Variants in SEPSECS observed in about 807,000 individuals in gnomAD.
SEPSECS encodes Sep (O-phosphoserine) tRNA:Sec (selenocysteine) tRNA synthase, also known as O-phosphoseryl-tRNA(Sec) selenium transferase.
A neutral mutation model predicts 52.1 loss-of-function variants in SEPSECS; 42 were observed. The observed-to-expected ratio is 0.81, with a 90% confidence interval of 0.63 to 1.04. The LOEUF is 1.04. Ranked by LOEUF, SEPSECS falls within the 50% of genes least tolerant of loss-of-function variation. The pLI is 0.00. For missense variants in SEPSECS, 590 were observed against 610.6 expected, an observed-to-expected ratio of 0.97 and a Z score of 0.36; for synonymous variants, 216 against 211.4, an observed-to-expected ratio of 1.02 and a Z score of -0.19.
At chr4:25,152,118 T>C (rs543726668) in intron 5 of SEPSECS, 56 bp from the exon 6 acceptor site, 123 of 1,093,712 alleles carry the variant, frequency 1.1e-4, no homozygotes, top group Non-Finnish European at 1.5e-4. Context: ...TTATAAATGA[T>C]AGTGCAGAAA....
At chr4:25,128,540 T>C (rs1263551663) in intron 8 of SEPSECS, among the ~76,000 whole-genome samples, 1 of 152,108 alleles carries the variant, frequency 6.6e-6, no homozygotes, top group African/African-American at 2.4e-5. Context: ...GAAAATATAA[T>C]AAAAATGTAT....
At chr4:25,132,948 G>A (rs1445214733) in intron 8 of SEPSECS, among the ~76,000 whole-genome samples, 1 of 152,130 alleles carries the variant, frequency 6.6e-6, no homozygotes. Flanking sequence ...TGGTACTTGG[G>A]CGAGTACTTA....
At chr4:25,149,561 A>G (rs1465783092) in intron 6 of SEPSECS, among the ~76,000 whole-genome samples, 3 of 152,204 alleles carry the variant, frequency 2.0e-5, no homozygotes, top group Admixed American at 2.0e-4. Flanking sequence ...AAAAGTAAAT[A>G]CATAAATTGT....
chr4:25,139,295 G>A (rs1279423142), intron 8 of SEPSECS, among the ~76,000 whole-genome samples: 1 of 151,908 alleles, frequency 6.6e-6, no homozygotes, highest in African/African-American at 2.4e-5. Context: ...AAATGAATGA[G>A]CAGGGGCCAA....
At chr4:25,127,434 T>C in intron 8 of SEPSECS, 77 bp from the exon 9 acceptor site, 1 of 1,039,476 alleles carries the variant, frequency 9.6e-7, no homozygotes, top group Non-Finnish European at 1.5e-6. Context: ...ATCTGATTGG[T>C]ATGAAGTCTA....
At position 25,135,587 on chromosome 4, in the gene SEPSECS, A is replaced by T. The variant is rs2109012531; in HGVS notation, c.1027-8230T>A. 1.3e-5 allele frequency among the ~76,000 whole-genome samples: 2 copies of T among 152,302 alleles called. 1 individual carries two copies. The highest frequency in any genetic ancestry group is 1.3e-4 in the Admixed American group (2 of 15,302). On this transcript the variant is annotated intron_variant, in intron 8 of 10. Transcript: ENST00000382103. ...CAGTAATTAATAGCCTACCAACCAAAAAAAGCCCAGGACCAGACAGATTTA... is the reference window on the plus strand; with the variant it reads ...CAGTAATTAATAGCCTACCAACCAATAAAAGCCCAGGACCAGACAGATTTA...
chr4:25,151,817 C>A, intron 6 of SEPSECS, 143 bp downstream of exon 6: 1 of 641,018 alleles, frequency 1.6e-6, no homozygotes, highest in Non-Finnish European at 2.9e-6. Context: ...GAGAGATTAT[C>A]AGATGTAAGT....
At chr4:25,136,075 T>C (rs1404471421) in intron 8 of SEPSECS, among the ~76,000 whole-genome samples, 2 of 152,208 alleles carry the variant, frequency 1.3e-5, no homozygotes, top group African/African-American at 4.8e-5. Context: ...TAGCCATTTA[T>C]GACAAACCCA....
chr4:25,159,805 A>T (rs1712945429), intron 1 of SEPSECS: 26 of 1,095,188 alleles, frequency 2.4e-5, no homozygotes, highest in Non-Finnish European at 2.9e-5. Flanking sequence ...TTTTAATGAA[A>T]TTAAAATACA....
chr4:25,152,190 G>A (rs1441538410), intron 5 of SEPSECS, 128 bp from the exon 6 acceptor site: 2 of 634,538 alleles, frequency 3.2e-6, no homozygotes, highest in African/African-American at 3.7e-5. Context: ...GACAAACACT[G>A]AAATTTCTAT....
chr4:25,158,824 C>A, intron 2 of SEPSECS, 129 bp downstream of exon 2: 2 of 888,004 alleles, frequency 2.3e-6, no homozygotes. Flanking sequence ...GCTTACATAT[C>A]CATTAGAGCA....
Position 25,160,418 on chromosome 4 carries a change from G to A in SEPSECS, c.-49C>T, listed in dbSNP as rs546938016. 2 of 1,448,642 alleles carry A rather than the reference G, an allele frequency of 1.4e-6. No homozygotes were observed. Among genetic ancestry groups the A allele is most frequent in the African/African-American group, 1.4e-5 (1 of 70,846 alleles). 89.7% of individuals were successfully genotyped at this position (1,448,642 alleles called of 1,614,324 possible). The stretch of plus-strand genomic sequence containing the variant: ...ATAAGCGGGAGCACTAGCTCCACAC[G>A]CCAGACACACGACGGAACCAGAATG... On this transcript the variant is annotated 5_prime_UTR_variant, in exon 1 of 11. Coordinates refer to ENST00000382103, the MANE Select transcript of SEPSECS (RefSeq NM_016955.4).
intron 8 of SEPSECS, among the ~76,000 whole-genome samples, chr4:25,142,619 C>T (rs1286340064): frequency 2.0e-5 from 3 of 152,110 alleles, no homozygotes; most frequent in African/African-American, 4.8e-5. Flanking sequence ...TTTGCATTTC[C>T]GTACTTTAGA....
intron 6 of SEPSECS, among the ~76,000 whole-genome samples, chr4:25,145,745 A>G (rs570992617): frequency 6.6e-6 from 1 of 152,334 alleles, no homozygotes; most frequent in East Asian, 1.9e-4. Flanking sequence ...CTAATGGACT[A>G]TAGCCATCCG....
At chr4:25,142,093 A>G (rs1711588459) in intron 8 of SEPSECS, among the ~76,000 whole-genome samples, 1 of 152,194 alleles carries the variant, frequency 6.6e-6, no homozygotes, top group South Asian at 2.1e-4. Flanking sequence ...CCTGGCCAAC[A>G]TGGCAAAACC....
chr4:25,157,939 G>C (rs1401802890), intron 2 of SEPSECS, among the ~76,000 whole-genome samples: 2 of 152,030 alleles, frequency 1.3e-5, no homozygotes, highest in Non-Finnish European at 2.9e-5. Context: ...AGAACTATAT[G>C]CTCCTAGAAA....
At chr4:25,137,636 A>G (rs1728895785) in intron 8 of SEPSECS, among the ~76,000 whole-genome samples, 2 of 152,244 alleles carry the variant, frequency 1.3e-5, no homozygotes, top group Non-Finnish European at 2.9e-5. Context: ...AATTAGTTCA[A>G]CCATTTTGGA....
At chr4:25,153,786 T>C (rs1712458411) in intron 5 of SEPSECS, among the ~76,000 whole-genome samples, 1 of 152,076 alleles carries the variant, frequency 6.6e-6, no homozygotes, top group Admixed American at 6.5e-5. Context: ...GAAATATTCA[T>C]TACACAACGG....
At chr4:25,129,643 G>A (rs1349270480) in intron 8 of SEPSECS, among the ~76,000 whole-genome samples, 3 of 151,644 alleles carry the variant, frequency 2.0e-5, no homozygotes, top group African/African-American at 4.8e-5. Context: ...CACCCGCCTC[G>A]GCCTCCCAAA....
Sources: allele counts gnomAD v4.1 joint callset (sites outside exome capture counted in the v4.1 genomes callset), GRCh38; gene constraint gnomAD v4.1.1; transcripts MANE v1.5; gene names NCBI Gene and HGNC (gene_info 2026-07-23, HGNC 2026-07-21).